FNBP1: variants seen among roughly 807,000 people sequenced by gnomAD.
The protein encoded by FNBP1 is formin binding protein 1, also known as formin-binding protein 1.
Under a neutral mutation model 90.6 loss-of-function variants are expected in FNBP1, and 26 were observed. The observed-to-expected ratio is 0.29, with a 90% CI of 0.21 to 0.40. The LOEUF is 0.40. FNBP1 is among the 10% of genes least tolerant of loss of function. The pLI, the probability that FNBP1 is intolerant of heterozygous loss-of-function variation, is 1.00. For synonymous variants in FNBP1, 260 were observed against 265.2 expected, an observed-to-expected ratio of 0.98 and a Z score of 0.19; for missense variants, 635 against 768.0, an observed-to-expected ratio of 0.83 and a Z score of 2.05.
chr9:130,006,595 A>C (rs1348014800), intron 1 of FNBP1, among the ~76,000 whole-genome samples: 1 of 151,220 alleles, frequency 6.6e-6, no homozygotes, highest in Non-Finnish European at 1.5e-5. Context: ...GCTTGACCCC[A>C]GGAGGCGGAG....
chr9:129,902,650 T>C (rs2037176025), intron 13 of FNBP1, among the ~76,000 whole-genome samples: 1 of 152,114 alleles, frequency 6.6e-6, no homozygotes, highest in African/African-American at 2.4e-5. Flanking sequence ...CATTAAACAT[T>C]GTCAGGTTTT....
intron 6 of FNBP1, among the ~76,000 whole-genome samples, chr9:129,943,439 TGC>T (rs3054875): frequency 0.8 from 115,679 of 144,278 alleles, 46,681 homozygotes; most frequent in East Asian, 0.9. Context: ...CAGGCTGGAG[TGC>T]AGTGGCGTGA....
rs556381480 is a variant in FNBP1, at chr9:129,931,587, C to A, written c.514-1892G>T. ...CGCCACTATACTCCAGCCTGGGCGA[C>A]AGAGCAAGACTCCGTCTCAAAAAAT... On this transcript the variant is annotated intron_variant, in intron 6 of 16. Transcript: ENST00000446176. 2.4e-4 allele frequency among the ~76,000 whole-genome samples: 36 copies of A among 151,700 alleles called. 2 individuals are homozygous for A. The South Asian group carries it at 7.1e-3, about 30-fold the overall frequency.
At chr9:129,903,605 C>T (rs2037385277) in intron 12 of FNBP1, among the ~76,000 whole-genome samples, 1 of 152,056 alleles carries the variant, frequency 6.6e-6, no homozygotes, top group African/African-American at 2.4e-5. Context: ...CCCTTTGCCA[C>T]ACAGATAAAA....
intron 6 of FNBP1, among the ~76,000 whole-genome samples, chr9:129,932,739 G>A (rs1250332349): frequency 1.3e-5 from 2 of 151,990 alleles, no homozygotes; most frequent in Non-Finnish European, 2.9e-5. Context: ...CTTGGCGTCT[G>A]CTTCTTCCTG....
Position 129,915,916 on chromosome 9 carries a change from G to A in FNBP1, c.1185+50C>T, listed in dbSNP as rs7867211. On this transcript the variant is annotated intron_variant, in intron 11 of 16. Transcript: ENST00000446176. ...ATGGCATAGCATTCATAAAAGACAC[G>A]CCAGAAAACCTGATTAGACTCAGGA... 1,184,127 of 1,430,404 alleles carry A rather than the reference G, an allele frequency of 0.83. 491,827 individuals are homozygous for A. The highest frequency in any genetic ancestry group is 0.86 in the East Asian group (37,742 of 43,956). The allele number at this position is 1,430,404 out of a possible 1,614,324, so 88.6% of individuals were successfully genotyped here. A position where few individuals can be genotyped will look rare whatever the true frequency, so the allele number is the denominator to read the frequency against.
At chr9:129,924,168 A>T in intron 9 of FNBP1, 142 bp from the exon 10 acceptor site, 1 of 807,042 alleles carries the variant, frequency 1.2e-6, no homozygotes, top group Non-Finnish European at 1.9e-6. Flanking sequence ...CCAAAAGAAA[A>T]CATGTAGGAG....
At chr9:129,938,968 G>A (rs1469666992) in intron 6 of FNBP1, among the ~76,000 whole-genome samples, 1 of 152,006 alleles carries the variant, frequency 6.6e-6, no homozygotes, top group African/African-American at 2.4e-5. Flanking sequence ...CATTATGGTA[G>A]GTTTGAAATT....
intron 16 of FNBP1, among the ~76,000 whole-genome samples, chr9:129,893,853 T>C (rs537122006): frequency 6.7e-6 from 1 of 148,194 alleles, no homozygotes; most frequent in South Asian, 2.1e-4. Context: ...GAGGCAGAGG[T>C]TGCAGTGAGC....
chr9:129,991,174 A>AT (rs1282984342), intron 2 of FNBP1, among the ~76,000 whole-genome samples: 1 of 151,854 alleles, frequency 6.6e-6, no homozygotes, highest in Non-Finnish European at 1.5e-5. Context: ...ACCTCCAGTG[A>AT]TCCCCCTGCA....
chr9:129,938,902 C>T (rs1328964744), intron 6 of FNBP1, among the ~76,000 whole-genome samples: 1 of 152,024 alleles, frequency 6.6e-6, no homozygotes, highest in South Asian at 2.1e-4. Context: ...AAGACTTGGC[C>T]CCCCTTTCCC....
At chr9:129,922,872 T>C (rs549071179) in intron 10 of FNBP1, among the ~76,000 whole-genome samples, 1 of 152,184 alleles carries the variant, frequency 6.6e-6, no homozygotes, top group Admixed American at 6.6e-5. Context: ...AGGTTGCTAG[T>C]TTTATGTTTT....
intron 15 of FNBP1, among the ~76,000 whole-genome samples, chr9:129,897,885 A>G (rs2036076721): frequency 6.6e-6 from 1 of 152,132 alleles, no homozygotes; most frequent in Non-Finnish European, 1.5e-5. Context: ...ACTGGAGTAC[A>G]ATGGCACGAT....
At chr9:130,009,739 C>T (rs4571830) in intron 1 of FNBP1, among the ~76,000 whole-genome samples, 150,741 of 152,228 alleles carry the variant, frequency 0.99, 74,657 homozygotes, top group Non-Finnish European at 1. Context: ...GAGGTGGAGG[C>T]TGCAGTCAGC....
intron 2 of FNBP1, among the ~76,000 whole-genome samples, chr9:129,992,795 A>C (rs2053396641): frequency 6.7e-6 from 1 of 148,888 alleles, no homozygotes; most frequent in Non-Finnish European, 1.5e-5. Context: ...CTCGTGATCC[A>C]CCTGCCTTGG....
chr9:129,923,876 T>C lies in FNBP1; in HGVS notation c.1138A>G (p.Lys380Glu). 1 of 1,602,132 alleles carries C rather than the reference T, an allele frequency of 6.2e-7. No homozygotes were observed. Among genetic ancestry groups the C allele is most frequent in the Non-Finnish European group, 8.5e-7 (1 of 1,175,234 alleles). The change falls in exon 10 of 17, where the codon AAA (lysine) becomes GAA (glutamate). Residue 380 changes from lysine to glutamate, a missense_variant. Physicochemically the swap from Lys to Glu is moderately conservative, Grantham distance 56 (BLOSUM62 1). Coordinates refer to ENST00000446176, the MANE Select transcript of FNBP1 (RefSeq NM_015033.3). ...RFNEFMTSKPKIHCFRSLKRG... is the reference protein window; with the variant it reads ...RFNEFMTSKPEIHCFRSLKRG... ...TTTAGGCTCCTGAAGCAGTGGATTT[T>C]GGGTTTGGAGGTCATGAACTCGTTG...
At chr9:130,052,708 T>G in the FNBP1 span, among the ~76,000 whole-genome samples, 1 of 152,198 alleles carries the variant, frequency 6.6e-6, no homozygotes, top group South Asian at 2.1e-4. Flanking sequence ...GTGCTGGGAT[T>G]CAGGCGCGAA....
At chr9:129,970,549 G>A (rs1326671923) in intron 4 of FNBP1, among the ~76,000 whole-genome samples, 1 of 152,176 alleles carries the variant, frequency 6.6e-6, no homozygotes, top group African/African-American at 2.4e-5. Flanking sequence ...ATATCAGGAA[G>A]AAAGCTTTGA....
intron 16 of FNBP1, 71 bp downstream of exon 16, chr9:129,895,767 G>A: frequency 6.9e-7 from 1 of 1,457,368 alleles, no homozygotes; most frequent in South Asian, 1.5e-5. Flanking sequence ...AACAGTCATG[G>A]TTGTGGGGAG....
Sources: gnomAD v4.1 joint callset for allele counts (sites outside exome capture counted in the v4.1 genomes callset) on GRCh38, gnomAD v4.1.1 for gene constraint, MANE v1.5 for transcripts, NCBI Gene and HGNC (gene_info 2026-07-23, HGNC 2026-07-21) for gene names.